TRPC4AP: variants seen among roughly 807,000 people sequenced by gnomAD.
TRPC4AP encodes the protein transient receptor potential cation channel subfamily C member 4 associated protein, also known as short transient receptor potential channel 4-associated protein.
TRPC4AP carries 45 observed loss-of-function variants against 99.0 expected under a neutral mutation model. The ratio of observed to expected loss-of-function variants is 0.45; its 90% confidence interval spans 0.36 to 0.58. The LOEUF (loss-of-function observed/expected upper bound fraction) is 0.58, where lower values mean the gene tolerates loss of function less well. TRPC4AP is among the 20% of genes least tolerant of loss of function. The pLI is 0.00. For synonymous variants in TRPC4AP, 408 were observed against 385.8 expected, an observed-to-expected ratio of 1.06 and a Z score of -0.67; for missense variants, 879 against 985.3, an observed-to-expected ratio of 0.89 and a Z score of 1.44.
intron 9 of TRPC4AP, among the ~76,000 whole-genome samples, chr20:35,018,333 G>T (rs980641043): frequency 3.9e-5 from 6 of 152,092 alleles, no homozygotes; most frequent in Non-Finnish European, 8.8e-5. Context: ...GGTGGCTCAC[G>T]CCTGTTAATC....
At chr20:35,084,459 T>A (rs1418016860) in intron 1 of TRPC4AP, among the ~76,000 whole-genome samples, 2 of 145,652 alleles carry the variant, frequency 1.4e-5, no homozygotes, top group Non-Finnish European at 3.0e-5. Flanking sequence ...TGTATATATG[T>A]GTGTATATAT....
chr20:35,012,240 G>A (rs765995798), intron 11 of TRPC4AP, among the ~76,000 whole-genome samples: 2 of 152,248 alleles, frequency 1.3e-5, no homozygotes, highest in East Asian at 1.9e-4. Context: ...CTGTCTCCAG[G>A]CATGTTCTGT....
At chr20:35,023,019 T>C (rs6120798) in intron 8 of TRPC4AP, among the ~76,000 whole-genome samples, 1 of 129,402 alleles carries the variant, frequency 7.7e-6, no homozygotes, top group Admixed American at 9.0e-5. Context: ...AGAGCTGGAC[T>C]GTCTCAAAAA....
intron 1 of TRPC4AP, among the ~76,000 whole-genome samples, chr20:35,089,827 C>A (rs1223340459): frequency 1.3e-5 from 2 of 152,036 alleles, no homozygotes; most frequent in African/African-American, 4.8e-5. Context: ...GTCTGGGCAA[C>A]AGAGCGAGAC....
chr20:35,092,696 C>A lies in TRPC4AP; in HGVS notation c.86G>T (p.Gly29Val). 6.5e-7 allele frequency: 1 copy of A among 1,544,790 alleles called. No individual in the cohort carries two copies. The highest frequency in any genetic ancestry group is 8.6e-7 in the Non-Finnish European group (1 of 1,156,274). Reference sequence around the variant, plus strand: ...AATGTTACCAGGCCGCGGCCGGCCGCCCCATCCGCCCCAAGCCGCCACTGT... The same window carrying A: ...AATGTTACCAGGCCGCGGCCGGCCGACCCATCCGCCCCAAGCCGCCACTGT... ...AATVAAWGGW[G>V]GRPRPGNILL... The change falls in exon 1 of 19, where the codon GGC (glycine) becomes GTC (valine). Residue 29 changes from glycine to valine, a missense_variant. Gly to Val is a moderately radical substitution (Grantham distance 109). Transcript: ENST00000252015.
Position 35,091,588 on chromosome 20 carries a change from TTAAA to T in TRPC4AP, c.168+1022_168+1025del, listed in dbSNP as rs776390979. 1.5e-3 allele frequency among the ~76,000 whole-genome samples: 229 copies of T among 152,256 alleles called. 1 individual carries two copies. The highest frequency in any genetic ancestry group is 2.3e-3 in the Non-Finnish European group (154 of 68,006). On this transcript the variant is annotated intron_variant, in intron 1 of 18. Transcript: ENST00000252015. ...CAAACTTTTTATGAAAAAGCTGTCT[TTAAA>T]TAAAGCTAATGTTTTACAGGTGTTA...
chr20:35,075,865 T>C (rs1281201402), intron 2 of TRPC4AP, among the ~76,000 whole-genome samples: 1 of 152,244 alleles, frequency 6.6e-6, no homozygotes, highest in Non-Finnish European at 1.5e-5. Context: ...TCCAACTTGG[T>C]TCCATTCTCC....
At chr20:35,004,898 A>G (rs2082484465) in intron 16 of TRPC4AP, among the ~76,000 whole-genome samples, 1 of 152,158 alleles carries the variant, frequency 6.6e-6, no homozygotes, top group African/African-American at 2.4e-5. Context: ...AGGAAGATGG[A>G]TCCATGACGC....
chr20:35,087,326 G>A (rs12625863), intron 1 of TRPC4AP, among the ~76,000 whole-genome samples: 58,622 of 140,538 alleles, frequency 0.42, 12,780 homozygotes, highest in East Asian at 0.59. Context: ...GCAACAGAGC[G>A]AGACTCCATC....
rs539156533 is a variant in TRPC4AP, at chr20:35,077,984, A to G, written c.297+62T>C. On this transcript the variant is annotated intron_variant, in intron 2 of 18. Transcript: ENST00000252015. Reference sequence around the variant, plus strand: ...AGCCAACGGAAGGGAAAAAAAAAACAGCAGACATCTTGTGTCACCTAGAGG... The same window carrying G: ...AGCCAACGGAAGGGAAAAAAAAAACGGCAGACATCTTGTGTCACCTAGAGG... 8.7e-5 allele frequency: 130 copies of G among 1,487,272 alleles called. No homozygotes were observed. The East Asian group carries it at 2.8e-3, about 32-fold the overall frequency. The allele number at this position is 1,487,272 out of a possible 1,614,324, so 92.1% of individuals were successfully genotyped here.
At chr20:35,030,318 T>G (rs2083157087) in intron 8 of TRPC4AP, 2 of 149,808 alleles carry the variant, frequency 1.3e-5, no homozygotes, top group African/African-American at 2.5e-5. Flanking sequence ...AAATTAGAAA[T>G]AAATATGGAA....
At chr20:35,059,769 C>T (rs145490838) in intron 3 of TRPC4AP, among the ~76,000 whole-genome samples, 14 of 140,330 alleles carry the variant, frequency 1.0e-4, no homozygotes, top group East Asian at 4.0e-4. Context: ...AAGAAGACGA[C>T]GAAGACAAAG....
intron 17 of TRPC4AP, 61 bp downstream of exon 17, chr20:35,004,397 A>G: frequency 6.9e-7 from 1 of 1,445,478 alleles, no homozygotes. Flanking sequence ...GCTGGGCACC[A>G]GGACAAAGGA....
At chr20:35,087,378 TAAA>T (rs2084916689) in intron 1 of TRPC4AP, among the ~76,000 whole-genome samples, 1 of 147,522 alleles carries the variant, frequency 6.8e-6, no homozygotes, top group Non-Finnish European at 1.5e-5. Context: ...AGAAAAAATA[TAAA>T]GTAAGGAACA....
At chr20:35,082,932 T>C (rs2084684073) in intron 1 of TRPC4AP, among the ~76,000 whole-genome samples, 2 of 152,218 alleles carry the variant, frequency 1.3e-5, no homozygotes, top group African/African-American at 2.4e-5. Flanking sequence ...TCATACTTAA[T>C]GGCAAAATGT....
intron 2 of TRPC4AP, among the ~76,000 whole-genome samples, chr20:35,072,029 T>C (rs1044547332): frequency 5.3e-5 from 8 of 152,260 alleles, no homozygotes; most frequent in Non-Finnish European, 1.2e-4. Flanking sequence ...ATTTCTCTGA[T>C]GGCCAGTGAT....
chr20:35,080,599 C>G (rs188548684), intron 1 of TRPC4AP, among the ~76,000 whole-genome samples: 66 of 148,464 alleles, frequency 4.4e-4, no homozygotes, highest in South Asian at 3.0e-3. Flanking sequence ...TTGTCTGATT[C>G]TATTAATTTA....
intron 1 of TRPC4AP, among the ~76,000 whole-genome samples, chr20:35,084,256 G>A (rs1274379016): frequency 2.7e-5 from 4 of 150,118 alleles, no homozygotes; most frequent in Non-Finnish European, 5.9e-5. Flanking sequence ...GCAACAGTGC[G>A]AGACTCCGTC....
rs1406115459 is a variant in TRPC4AP at position 35,032,324 on chromosome 20, CTGAT to C, written c.1051+2795_1051+2798del. ...ACAGGTGTGAGCCACCACACCTGGCCTGATTATTATACTACTCTTCAATTCTAGA... is the reference window on the plus strand; with the variant it reads ...ACAGGTGTGAGCCACCACACCTGGCCTATTATACTACTCTTCAATTCTAGA... On this transcript the variant is annotated intron_variant, in intron 8 of 18. Transcript: ENST00000252015. 2.6e-5 allele frequency among the ~76,000 whole-genome samples: 4 copies of C among 152,168 alleles called. No homozygotes were observed. In the East Asian group the frequency reaches 5.8e-4, roughly 22 times the overall value.
Sources: allele counts gnomAD v4.1 joint callset (sites outside exome capture counted in the v4.1 genomes callset), GRCh38; gene constraint gnomAD v4.1.1; transcripts MANE v1.5; gene names NCBI Gene and HGNC (gene_info 2026-07-23, HGNC 2026-07-21).